Variants in AOPEP observed in about 807,000 individuals in gnomAD.
AOPEP encodes the protein aminopeptidase O.
AOPEP carries 77 observed loss-of-function variants against 98.1 expected under a neutral mutation model. The observed-to-expected ratio is 0.78, with a 90% CI of 0.65 to 0.95. The LOEUF is 0.95. AOPEP is among the 40% of genes least tolerant of loss of function. AOPEP has a pLI of 0.00. For synonymous variants in AOPEP, 346 were observed against 365.3 expected, an observed-to-expected ratio of 0.95 and a Z score of 0.60; for missense variants, 1,024 against 1,024.7, an observed-to-expected ratio of 1.00 and a Z score of 0.01.
intron 5 of AOPEP, among the ~76,000 whole-genome samples, chr9:94,885,915 G>C (rs1021598906): frequency 6.6e-6 from 1 of 152,134 alleles, no homozygotes; most frequent in African/African-American, 2.4e-5. Flanking sequence ...TATTGAAAAG[G>C]ATATAATTGT....
chr9:94,765,577 G>A (rs952712751), intron 2 of AOPEP, among the ~76,000 whole-genome samples: 15 of 151,436 alleles, frequency 9.9e-5, no homozygotes, highest in Admixed American at 4.6e-4. Context: ...ACTCCAGCCT[G>A]GGCGACAGAG....
intron 5 of AOPEP, among the ~76,000 whole-genome samples, chr9:94,867,063 T>A (rs1217339652): frequency 6.6e-6 from 1 of 152,220 alleles, no homozygotes; most frequent in Non-Finnish European, 1.5e-5. Flanking sequence ...AATGACACAT[T>A]AGTCCATATT....
chr9:95,009,272 GA>G (rs1589249639), intron 13 of AOPEP, among the ~76,000 whole-genome samples: 1 of 135,404 alleles, frequency 7.4e-6, no homozygotes, highest in African/African-American at 2.8e-5. Flanking sequence ...ACAGATTAAG[GA>G]ATGTTTTTAT....
At chr9:95,123,361 T>A in the AOPEP span, 1 of 380,470 alleles carries the variant, frequency 2.6e-6, no homozygotes, top group South Asian at 2.0e-5. Context: ...AGAAACAGGC[T>A]GGGTGTGGTG....
chr9:94,999,536 C>G (rs886698852), intron 11 of AOPEP, among the ~76,000 whole-genome samples: 1 of 152,168 alleles, frequency 6.6e-6, no homozygotes. Flanking sequence ...ATAAACAACC[C>G]TCTAAATCCA....
In AOPEP at chr9:94,988,353, G is replaced by A. The variant is rs185322908; in HGVS notation, c.1977+8926G>A. Among the ~76,000 whole-genome samples the A allele has an allele frequency of 1.8e-4, 27 of 152,176 alleles. 1 individual carries two copies. Among genetic ancestry groups the A allele is most frequent in the Middle Eastern group, 3.4e-3 (1 of 294 alleles). On this transcript the variant is annotated intron_variant, in intron 11 of 16. Transcript: ENST00000375315. ...GATTGCCCACAGCTTTCACAATCTC[G>A]GATTAGACGTACATTTTTTCAGTGA...
intron 9 of AOPEP, among the ~76,000 whole-genome samples, chr9:94,964,657 T>G (rs1036374064): frequency 2.2e-5 from 3 of 135,116 alleles, no homozygotes; most frequent in Admixed American, 2.2e-4. Context: ...TTTTTTTTTT[T>G]GAGACGGAGT....
At chr9:94,832,553 T>A (rs1856220738) in intron 5 of AOPEP, among the ~76,000 whole-genome samples, 2 of 152,194 alleles carry the variant, frequency 1.3e-5, no homozygotes, top group African/African-American at 4.8e-5. Flanking sequence ...TTGGCAAAAA[T>A]GTGAAAATAT....
chr9:95,082,637 C>T lies in AOPEP; in HGVS notation c.2382C>T (p.Leu794=), dbSNP rs541619459. ...GTGAGGACGCCAGACAGCAGCAGCT[C>T]GCCCGTAGGTGCTTCGAGCGGACCA... ...MVSEDARQQQ[L]ARRCFERTKE... is the part of the protein sequence containing the mutation. Residue 794 remains leucine (L), a synonymous_variant, in exon 16 of 17, where the codon CTC becomes CTT. Transcript: ENST00000375315. 1.1e-5 allele frequency: 17 copies of T among 1,614,182 alleles called. No homozygotes were observed. Among genetic ancestry groups the T allele is most frequent in the African/African-American group, 2.7e-5 (2 of 75,036 alleles).
chr9:94,994,842 T>C (rs1231823690), intron 11 of AOPEP, among the ~76,000 whole-genome samples: 27 of 152,174 alleles, frequency 1.8e-4, no homozygotes, highest in Non-Finnish European at 1.3e-4. Flanking sequence ...TCCCAGCTAC[T>C]CGGGAGGCTG....
chr9:95,090,005 GCTTT>G (rs2070844146), downstream of AOPEP, among the ~76,000 whole-genome samples: 1 of 152,244 alleles, frequency 6.6e-6, no homozygotes, highest in Non-Finnish European at 1.5e-5. Context: ...CTCACAAGGG[GCTTT>G]CTTAGGCTCT....
the AOPEP span, among the ~76,000 whole-genome samples, chr9:95,138,407 G>C: frequency 2.0e-5 from 3 of 152,222 alleles, no homozygotes; most frequent in African/African-American, 7.2e-5. Context: ...TGGAGCCCTG[G>C]AGAGGGGTTC....
chr9:94,803,854 G>C (rs532348403), intron 5 of AOPEP, among the ~76,000 whole-genome samples: 6 of 152,078 alleles, frequency 3.9e-5, no homozygotes, highest in South Asian at 4.1e-4. Flanking sequence ...TTCCTCAGTG[G>C]GTGTGTGTGG....
At chr9:94,808,008 T>C (rs1008313265) in intron 5 of AOPEP, among the ~76,000 whole-genome samples, 2 of 152,136 alleles carry the variant, frequency 1.3e-5, no homozygotes, top group African/African-American at 2.4e-5. Flanking sequence ...TAATAAGTAA[T>C]TGGAAGAGTG....
At chr9:94,821,156 T>C (rs1853017024) in intron 5 of AOPEP, among the ~76,000 whole-genome samples, 1 of 93,192 alleles carries the variant, frequency 1.1e-5, no homozygotes, top group African/African-American at 3.1e-5. Flanking sequence ...GAAGTAAGTA[T>C]TATTTATGCT....
intron 7 of AOPEP, among the ~76,000 whole-genome samples, chr9:94,941,601 T>C (rs2057014911): frequency 6.6e-6 from 1 of 152,238 alleles, no homozygotes; most frequent in African/African-American, 2.4e-5. Context: ...TGTTTCCTGT[T>C]AGAGGGACAC....
chr9:94,849,487 TTTTTTTCTTTCTTTCTTTC>T (rs1304547032), intron 5 of AOPEP, among the ~76,000 whole-genome samples: 1 of 113,150 alleles, frequency 8.8e-6, no homozygotes, highest in African/African-American at 3.3e-5. Flanking sequence ...TAACATTTCT[TTTTTTTCTTTCTTTCTTTC>T]TTTTTTTTTT....
At chr9:95,141,985 GTT>G in the AOPEP span, among the ~76,000 whole-genome samples, 1 of 83,160 alleles carries the variant, frequency 1.2e-5, no homozygotes, top group African/African-American at 4.8e-5. Context: ...AGTTTGTGGG[GTT>G]TTTTTTTTTT....
chr9:95,094,673 T>C, the AOPEP span, among the ~76,000 whole-genome samples: 1 of 152,106 alleles, frequency 6.6e-6, no homozygotes, highest in East Asian at 1.9e-4. Context: ...GCCTCTTTTT[T>C]CTTTTTTCTT....
Sources: gnomAD v4.1 joint callset for allele counts (sites outside exome capture counted in the v4.1 genomes callset) on GRCh38, gnomAD v4.1.1 for gene constraint, MANE v1.5 for transcripts, NCBI Gene and HGNC (gene_info 2026-07-23, HGNC 2026-07-21) for gene names.